The following FOXN3 variants were observed in gnomAD, a reference collection of about 807,000 sequenced individuals.
FOXN3 encodes forkhead box N3.
Under a neutral mutation model 38.4 loss-of-function variants are expected in FOXN3, and 7 were observed. The ratio of observed to expected loss-of-function variants is 0.18; its 90% CI spans 0.10 to 0.34. The LOEUF is 0.34. FOXN3 is among the 10% of genes least tolerant of loss of function. The pLI is 1.00. For synonymous variants in FOXN3, 230 were observed against 242.2 expected (o/e 0.95, Z 0.47); for missense variants, 456 against 613.4 (o/e 0.74, Z 2.71).
chr14:89,392,257 A>G (rs1890968779), intron 2 of FOXN3, among the ~76,000 whole-genome samples: 1 of 152,136 alleles, frequency 6.6e-6, no homozygotes, highest in South Asian at 2.1e-4. Flanking sequence ...CTCCTCTGTA[A>G]AAGGACACAA....
chr14:89,346,887 G>C (rs541243180), intron 3 of FOXN3, among the ~76,000 whole-genome samples: 1 of 152,118 alleles, frequency 6.6e-6, no homozygotes, highest in African/African-American at 2.4e-5. Flanking sequence ...TGGACTCATA[G>C]GTATTTATTT....
At chr14:89,198,740 C>T (rs1888160802) in intron 4 of FOXN3, among the ~76,000 whole-genome samples, 1 of 152,164 alleles carries the variant, frequency 6.6e-6, no homozygotes, top group East Asian at 1.9e-4. Flanking sequence ...AAGGACAGCC[C>T]TCACCACAAA....
intron 4 of FOXN3, among the ~76,000 whole-genome samples, chr14:89,280,726 G>C (rs569083697): frequency 4.7e-4 from 71 of 152,202 alleles, no homozygotes; most frequent in African/African-American, 1.5e-3. Flanking sequence ...GCAGTCCTTA[G>C]AGGCCTGGTT....
rs143642534 is a variant in FOXN3 at position 89,337,989 on chromosome 14, C to G, written c.680+12683G>C. Among the ~76,000 whole-genome samples, 312 of 152,262 alleles carry G rather than the reference C, an allele frequency of 2.0e-3. 1 individual carries two copies. The highest frequency in any genetic ancestry group is 7.1e-3 in the African/African-American group (294 of 41,530). ...TTCCTCCTGTGACAATATTTGGTGCCTTGGAGTCAACAGCCTGGAATTTAT... is the reference window on the plus strand; with the variant it reads ...TTCCTCCTGTGACAATATTTGGTGCGTTGGAGTCAACAGCCTGGAATTTAT... On this transcript the variant is annotated intron_variant, in intron 3 of 5. Coordinates refer to ENST00000557258, the MANE Select transcript of FOXN3 (RefSeq NM_005197.4).
intron 2 of FOXN3, among the ~76,000 whole-genome samples, chr14:89,389,601 T>C (rs1890880533): frequency 6.6e-6 from 1 of 152,224 alleles, no homozygotes; most frequent in South Asian, 2.1e-4. Flanking sequence ...ATTCAAATGA[T>C]TGCACAAATA....
In FOXN3 at chr14:89,491,141, G is replaced by GT. The variant is rs33971170; in HGVS notation, c.-14-78652dup. On this transcript the variant is annotated intron_variant, in intron 1 of 6. Transcript: ENST00000345097. ...CCACACCTGGCTAATTTTGTTTTTT[G>GT]TTTTTTTTTTTTTAAGTAGAGACGG... is the stretch of plus-strand genomic sequence containing the variant. 3.2e-3 allele frequency among the ~76,000 whole-genome samples: 466 copies of GT among 145,470 alleles called. 2 individuals are homozygous for GT. The highest frequency in any genetic ancestry group is 0.014 in the Middle Eastern group (4 of 276).
At chr14:89,574,006 G>C (rs574090419) in intron 1 of FOXN3, among the ~76,000 whole-genome samples, 6 of 152,288 alleles carry the variant, frequency 3.9e-5, no homozygotes, top group Non-Finnish European at 8.8e-5. Flanking sequence ...ATTCCAGCCT[G>C]AGCAACACAG....
chr14:89,374,697 C>T (rs984909571), intron 2 of FOXN3, among the ~76,000 whole-genome samples: 2 of 151,904 alleles, frequency 1.3e-5, no homozygotes, highest in Non-Finnish European at 2.9e-5. Context: ...TCTTGCCGGG[C>T]GTGGTGGCTC....
chr14:89,191,350 G>A (rs1277123273), intron 4 of FOXN3, among the ~76,000 whole-genome samples: 5 of 152,280 alleles, frequency 3.3e-5, no homozygotes, highest in Non-Finnish European at 2.9e-5. Context: ...GCCCTGGGGC[G>A]AAATTCACTA....
intron 4 of FOXN3, among the ~76,000 whole-genome samples, chr14:89,260,604 T>G (rs1449253987): frequency 1.3e-5 from 2 of 152,230 alleles, no homozygotes; most frequent in Non-Finnish European, 2.9e-5. Flanking sequence ...TAGTTGTTAT[T>G]TCTTTCACGT....
chr14:89,174,078 A>C (rs918525370), intron 5 of FOXN3, among the ~76,000 whole-genome samples: 4 of 152,362 alleles, frequency 2.6e-5, no homozygotes, highest in Admixed American at 2.6e-4. Context: ...GGAAATACTA[A>C]GGAGCATGCA....
chr14:89,598,452 A>G (rs994599894), intron 1 of FOXN3, among the ~76,000 whole-genome samples: 1 of 151,934 alleles, frequency 6.6e-6, no homozygotes, highest in African/African-American at 2.4e-5. Flanking sequence ...TTATTCATTT[A>G]TTTTTATTTT....
rs1889919818 is a variant in FOXN3 at position 89,362,785 on chromosome 14, ACCACCATCTCCACCACCACCT to A, written c.544-11998_544-11978del. 1.8e-5 allele frequency among the ~76,000 whole-genome samples: 2 copies of A among 108,112 alleles called. 1 individual carries two copies. The highest frequency in any genetic ancestry group is 2.0e-4 in the Admixed American group (2 of 9,762). The allele number at this position is 108,112 out of a possible 152,430, so 70.9% of individuals were successfully genotyped here. A position where few individuals can be genotyped will look rare whatever the true frequency, so the allele number is the denominator to read the frequency against. ...CACCACCACCACCACCACCACCACCACCACCATCTCCACCACCACCTCCACCACCACCACCACCAGGCCAGA... is the reference window on the plus strand; with the variant it reads ...CACCACCACCACCACCACCACCACCACCACCACCACCACCACCAGGCCAGA... On this transcript the variant is annotated intron_variant, in intron 2 of 5. Coordinates refer to ENST00000557258, the MANE Select transcript of FOXN3 (RefSeq NM_005197.4).
intron 3 of FOXN3, among the ~76,000 whole-genome samples, chr14:89,283,924 G>T (rs1978329): frequency 0.51 from 77,745 of 151,912 alleles, 20,562 homozygotes; most frequent in East Asian, 0.67. Context: ...GCAGTGGTGC[G>T]ATCTCAGCTC....
chr14:89,618,566 G>C (rs1272941683), intron 1 of FOXN3, among the ~76,000 whole-genome samples: 2 of 151,350 alleles, frequency 1.3e-5, no homozygotes, highest in Non-Finnish European at 1.5e-5. Context: ...CAGCAATGCT[G>C]TAAACTCTGC....
intron 1 of FOXN3, among the ~76,000 whole-genome samples, chr14:89,574,888 T>A (rs1043326737): frequency 1.3e-5 from 2 of 151,566 alleles, no homozygotes; most frequent in East Asian, 1.9e-4. Context: ...AAAAAAAAAA[T>A]TGTAAATTTC....
At chr14:89,500,991 A>G (rs1893785822) in intron 1 of FOXN3, among the ~76,000 whole-genome samples, 1 of 152,240 alleles carries the variant, frequency 6.6e-6, no homozygotes, top group Admixed American at 6.5e-5. Flanking sequence ...AACTGTCCTC[A>G]GCATGCATGA....
At chr14:89,343,489 T>TAAAA (rs5810455) in intron 3 of FOXN3, among the ~76,000 whole-genome samples, 1 of 145,754 alleles carries the variant, frequency 6.9e-6, no homozygotes. Context: ...ACATTTAAAT[T>TAAAA]AAAAAAAAAA....
intron 4 of FOXN3, among the ~76,000 whole-genome samples, chr14:89,225,799 G>A (rs1014371577): frequency 6.6e-6 from 1 of 152,042 alleles, no homozygotes; most frequent in African/African-American, 2.4e-5. Context: ...TGTTAGGATC[G>A]TGTGTAACAT....
Sources: allele counts gnomAD v4.1 joint callset (sites outside exome capture counted in the v4.1 genomes callset), GRCh38; gene constraint gnomAD v4.1.1; transcripts MANE v1.5; gene names NCBI Gene and HGNC (gene_info 2026-07-23, HGNC 2026-07-21).